Variants in SLC4A8 observed in about 807,000 individuals in gnomAD.
The protein encoded by SLC4A8 is electroneutral sodium bicarbonate exchanger 1.
A neutral mutation model predicts 125.0 loss-of-function variants in SLC4A8; 40 were observed. That is an observed-to-expected ratio of 0.32 (90% CI 0.25 to 0.42). The LOEUF (loss-of-function observed/expected upper bound fraction) is 0.42, where lower values mean the gene tolerates loss of function less well. Ranked by LOEUF, SLC4A8 falls within the 10% of genes least tolerant of loss-of-function variation. The pLI is 1.00. For synonymous variants in SLC4A8, 456 were observed against 476.0 expected (o/e 0.96, Z 0.55); for missense variants, 863 against 1,355.1 (o/e 0.64, Z 5.70).
At chr12:51,458,758 C>G in intron 7 of SLC4A8, 108 bp downstream of exon 7, 1 of 747,292 alleles carries the variant, frequency 1.3e-6, no homozygotes, top group Non-Finnish European at 2.3e-6. Flanking sequence ...AAGACTCTTT[C>G]CCTAAGACTA....
intron 20 of SLC4A8, 155 bp from the exon 21 acceptor site, chr12:51,494,790 G>C (rs890056685): frequency 3.6e-6 from 2 of 559,472 alleles, no homozygotes; most frequent in African/African-American, 3.7e-5. Context: ...TGGCCAAATT[G>C]CCTGGTCTTT....
At chr12:51,391,837 C>G (rs1435541028) in intron 1 of SLC4A8, 1 of 152,418 alleles carries the variant, frequency 6.6e-6, no homozygotes, top group Non-Finnish European at 1.5e-5. Context: ...TCAGCCCGCC[C>G]CGGGGGTGCG....
intron 1 of SLC4A8, among the ~76,000 whole-genome samples, chr12:51,437,846 G>C (rs1949469340): frequency 6.6e-6 from 1 of 152,204 alleles, no homozygotes; most frequent in African/African-American, 2.4e-5. Flanking sequence ...CTCGGGATCA[G>C]TCAGCTTGGC....
intron 2 of SLC4A8, among the ~76,000 whole-genome samples, chr12:51,444,622 C>T (rs1013690784): frequency 6.6e-6 from 1 of 152,134 alleles, no homozygotes; most frequent in African/African-American, 2.4e-5. Context: ...TTACTAAGCC[C>T]CTTCTGTAGT....
intron 21 of SLC4A8, among the ~76,000 whole-genome samples, chr12:51,496,325 T>A (rs540005427): frequency 7.9e-5 from 12 of 152,360 alleles, no homozygotes; most frequent in African/African-American, 2.2e-4. Flanking sequence ...ATTCTTTGTT[T>A]TCCTTTGGCT....
At chr12:51,463,500 T>A in intron 10 of SLC4A8, 114 bp from the exon 11 acceptor site, 2 of 677,272 alleles carry the variant, frequency 3.0e-6, no homozygotes, top group Non-Finnish European at 5.3e-6. Context: ...ATTTGAAAGC[T>A]ACAAACACGG....
chr12:51,418,586 T>C (rs970749558), intron 1 of SLC4A8, among the ~76,000 whole-genome samples: 1 of 152,216 alleles, frequency 6.6e-6, no homozygotes, highest in Non-Finnish European at 1.5e-5. Context: ...TTATATTTTC[T>C]GTTGGTTTGT....
intron 16 of SLC4A8, chr12:51,480,166 C>G (rs1360186099): frequency 1.4e-6 from 1 of 696,468 alleles, no homozygotes; most frequent in Non-Finnish European, 2.1e-6. Context: ...GTCTCAATCT[C>G]TTGACCTCGT....
At chr12:51,494,304 A>C (rs533950891) in intron 20 of SLC4A8, 9 of 153,260 alleles carry the variant, frequency 5.9e-5, no homozygotes, top group Admixed American at 2.6e-4. Context: ...TCTTTCAAAA[A>C]GAAAAATCAG....
intron 1 of SLC4A8, among the ~76,000 whole-genome samples, chr12:51,409,897 G>A (rs751915616): frequency 6.6e-6 from 1 of 152,230 alleles, no homozygotes; most frequent in Non-Finnish European, 1.5e-5. Flanking sequence ...GCTGAGTAAA[G>A]GGATTTAAGA....
intron 1 of SLC4A8, among the ~76,000 whole-genome samples, chr12:51,436,125 A>C (rs1949401982): frequency 6.6e-6 from 1 of 152,138 alleles, no homozygotes; most frequent in Non-Finnish European, 1.5e-5. Context: ...TTGTCTTAAA[A>C]CTGTATCTCC....
At chr12:51,469,426 C>G (rs1950625363) in intron 11 of SLC4A8, among the ~76,000 whole-genome samples, 188 bp from the exon 12 acceptor site, 1 of 151,898 alleles carries the variant, frequency 6.6e-6, no homozygotes, top group African/African-American at 2.4e-5. Flanking sequence ...TCAAATTTAC[C>G]TAAGTCATAC....
intron 22 of SLC4A8, 168 bp downstream of exon 22, chr12:51,497,292 C>A: frequency 4.0e-6 from 3 of 741,508 alleles, no homozygotes; most frequent in Non-Finnish European, 6.3e-6. Flanking sequence ...ATTCTTGCTT[C>A]TGTCTGTTCT....
intron 2 of SLC4A8, among the ~76,000 whole-genome samples, chr12:51,449,324 G>T (rs184452172): frequency 6.6e-6 from 1 of 152,090 alleles, no homozygotes; most frequent in East Asian, 1.9e-4. Context: ...TGTGGTCCCA[G>T]CTACATGGGA....
At chr12:51,489,567 T>C in intron 18 of SLC4A8, 133 bp from the exon 19 acceptor site, 1 of 1,142,442 alleles carries the variant, frequency 8.8e-7, no homozygotes, top group Non-Finnish European at 1.2e-6. Flanking sequence ...ACAAGACTCC[T>C]CTTGGATCCC....
intron 1 of SLC4A8, among the ~76,000 whole-genome samples, 193 bp from the exon 2 acceptor site, chr12:51,440,515 C>G (rs1466754367): frequency 6.6e-6 from 1 of 151,844 alleles, no homozygotes; most frequent in East Asian, 1.9e-4. Context: ...TGTCAGTCTG[C>G]TCATTTATAA....
chr12:51,467,009 A>G (rs944673624), intron 11 of SLC4A8, among the ~76,000 whole-genome samples: 11 of 151,916 alleles, frequency 7.2e-5, no homozygotes, highest in Non-Finnish European at 1.0e-4. Context: ...TTATGCAGGG[A>G]TATTTTCTCA....
intron 1 of SLC4A8, among the ~76,000 whole-genome samples, chr12:51,418,075 A>G (rs113104265): frequency 3.9e-5 from 6 of 152,240 alleles, no homozygotes; most frequent in African/African-American, 1.4e-4. Flanking sequence ...TGTCTCAGAA[A>G]GATAAGAACG....
intron 8 of SLC4A8, among the ~76,000 whole-genome samples, chr12:51,460,961 C>A (rs542501985): frequency 1.3e-5 from 2 of 152,262 alleles, no homozygotes; most frequent in South Asian, 4.1e-4. Flanking sequence ...TCTATGGAAA[C>A]CCTAAGAAAT....
Sources: gnomAD v4.1 joint callset for allele counts (sites outside exome capture counted in the v4.1 genomes callset) on GRCh38, gnomAD v4.1.1 for gene constraint, MANE v1.5 for transcripts, NCBI Gene and HGNC (gene_info 2026-07-23, HGNC 2026-07-21) for gene names.